TCERG1L: variants seen among roughly 807,000 people sequenced by gnomAD.
TCERG1L encodes the protein transcription elongation regulator 1 like.
TCERG1L carries 37 observed loss-of-function variants against 56.3 expected under a neutral mutation model. The ratio of observed to expected loss-of-function variants is 0.66; its 90% CI spans 0.51 to 0.87. TCERG1L has a LOEUF of 0.87. Ranked by LOEUF, TCERG1L falls within the 40% of genes least tolerant of loss-of-function variation. The pLI is 0.00. For synonymous variants in TCERG1L, 324 were observed against 326.3 expected (o/e 0.99, Z 0.08); for missense variants, 799 against 774.2 (o/e 1.03, Z -0.38).
At chr10:131,304,787 G>A (rs981150468) in intron 3 of TCERG1L, among the ~76,000 whole-genome samples, 4 of 152,044 alleles carry the variant, frequency 2.6e-5, no homozygotes, top group African/African-American at 9.7e-5. Context: ...TGCTTCCTGA[G>A]AACAAGTTCA....
At chr10:131,310,766 C>T (rs115065148) in intron 1 of TCERG1L, among the ~76,000 whole-genome samples, 1 of 152,188 alleles carries the variant, frequency 6.6e-6, no homozygotes, top group Non-Finnish European at 1.5e-5. Flanking sequence ...CAGGATTTCC[C>T]GGCCACTTCC....
Position 131,115,485 on chromosome 10 carries a change from G to A in TCERG1L, c.1395+1314C>T, listed in dbSNP as rs183183586. On this transcript the variant is annotated intron_variant, in intron 9 of 11. Transcript: ENST00000368642. ...TTGAAAAACAAACCAACACCCAGGC[G>A]TCCACATCGCGCCAGGGCCGGATCC... Among the ~76,000 whole-genome samples the A allele has an allele frequency of 4.1e-4, 63 of 152,248 alleles. 2 individuals are homozygous for A. Among genetic ancestry groups the A allele is most frequent in the South Asian group, 6.2e-4 (3 of 4,832 alleles).
chr10:131,256,828 G>A (rs1424422756), intron 4 of TCERG1L, among the ~76,000 whole-genome samples: 1 of 151,456 alleles, frequency 6.6e-6, no homozygotes, highest in Non-Finnish European at 1.5e-5. Context: ...AGGTTGCAAT[G>A]AGCCGAGACC....
chr10:131,290,502 G>A (rs996572160), intron 3 of TCERG1L, among the ~76,000 whole-genome samples: 6 of 151,932 alleles, frequency 3.9e-5, no homozygotes, highest in Non-Finnish European at 7.4e-5. Context: ...GTGGTGGCGG[G>A]TGCCTGTAAT....
intron 10 of TCERG1L, among the ~76,000 whole-genome samples, chr10:131,102,411 C>T (rs1277785340): frequency 2.6e-5 from 4 of 152,246 alleles, no homozygotes; most frequent in South Asian, 2.1e-4. Flanking sequence ...ACGAGCAACG[C>T]GGGTCCATGT....
intron 4 of TCERG1L, among the ~76,000 whole-genome samples, chr10:131,223,676 G>A (rs1845760223): frequency 6.9e-6 from 1 of 144,572 alleles, no homozygotes; most frequent in East Asian, 2.0e-4. Context: ...ACACACACAT[G>A]CTCACCCTCA....
chr10:131,233,450 G>GCACACAGACACACACACA (rs1227059759), intron 4 of TCERG1L, among the ~76,000 whole-genome samples: 10 of 148,676 alleles, frequency 6.7e-5, no homozygotes, highest in Admixed American at 6.7e-4. Flanking sequence ...GCATACACAT[G>GCACACAGACACACACACA]CACACAGACA....
At chr10:131,173,722 T>G (rs969277637) in intron 4 of TCERG1L, among the ~76,000 whole-genome samples, 1 of 152,204 alleles carries the variant, frequency 6.6e-6, no homozygotes, top group East Asian at 1.9e-4. Context: ...TGCCATGTAG[T>G]GCAGGGAAGG....
At chr10:131,107,619 C>T (rs570068027) in intron 9 of TCERG1L, among the ~76,000 whole-genome samples, 9 of 152,152 alleles carry the variant, frequency 5.9e-5, no homozygotes, top group Non-Finnish European at 8.8e-5. Context: ...GGTATGGGGA[C>T]GAGGAGTCCT....
chr10:131,190,530 T>G lies in TCERG1L; in HGVS notation c.857-23645A>C, dbSNP rs1175506438. ...GATGCAAAAATCCTTAAGAAAACAC[T>G]AGCTAACCAATCCAACAGCACATCA... On this transcript the variant is annotated intron_variant, in intron 4 of 11. Coordinates refer to ENST00000368642, the MANE Select transcript of TCERG1L (RefSeq NM_174937.4). Among the ~76,000 whole-genome samples the G allele has an allele frequency of 2.5e-5, 3 of 119,970 alleles. 1 individual carries two copies. The highest frequency in any genetic ancestry group is 9.7e-5 in the African/African-American group (3 of 30,850). The allele number at this position is 119,970 out of a possible 152,430, so 78.7% of individuals were successfully genotyped here. A position where few individuals can be genotyped will look rare whatever the true frequency, so the allele number is the denominator to read the frequency against.
chr10:131,206,903 A>G (rs750635), intron 4 of TCERG1L, among the ~76,000 whole-genome samples: 97,003 of 151,976 alleles, frequency 0.64, 31,449 homozygotes, highest in South Asian at 0.77. Context: ...AGGATTTGGT[A>G]CAGTCACTTC....
rs756528523 is a variant in TCERG1L at position 131,146,508 on chromosome 10, G to C, written c.1187C>G (p.Ala396Gly). 3 of 1,607,850 alleles carry C rather than the reference G, an allele frequency of 1.9e-6. No individual in the cohort carries two copies. The Admixed American group carries it at 5.1e-5, about 27-fold the overall frequency. Residue 396 changes from alanine (A) to glycine (G), a missense_variant and splice_region_variant, in exon 7 of 12, where the codon GCA (alanine) becomes GGA (glycine). By Grantham distance (60) the Ala-to-Gly change is moderately conservative. Transcript: ENST00000368642. Reference protein sequence around the residue: ...PPHKRKLEAPATDNSDGSSSE... With the variant: ...PPHKRKLEAPGTDNSDGSSSE... ...TAAATAACCCAGGGCTTAGTTACTT[G>C]CTGGTGCCTCCAGCTTGCGTTTGTG... is the stretch of plus-strand genomic sequence containing the variant.
chr10:131,202,826 T>C (rs903199972), intron 4 of TCERG1L, among the ~76,000 whole-genome samples: 1 of 152,226 alleles, frequency 6.6e-6, no homozygotes, highest in Non-Finnish European at 1.5e-5. Flanking sequence ...GCTTCTAAAT[T>C]GTTTCCATTT....
chr10:131,303,077 G>A lies in TCERG1L; in HGVS notation c.670+5134C>T, dbSNP rs549209758. On this transcript the variant is annotated intron_variant, in intron 3 of 11. Coordinates refer to ENST00000368642, the MANE Select transcript of TCERG1L (RefSeq NM_174937.4). Reference sequence around the variant, plus strand: ...AGTCTTTGCTATCATGAACAGTGCTGCAGTAAACATACGTGTGCATGTGTC... The same window carrying A: ...AGTCTTTGCTATCATGAACAGTGCTACAGTAAACATACGTGTGCATGTGTC... Among the ~76,000 whole-genome samples the A allele has an allele frequency of 1.4e-4, 21 of 152,086 alleles. No individual in the cohort carries two copies. The South Asian group carries it at 1.7e-3, about 12-fold the overall frequency.
chr10:131,273,941 G>A (rs1295187103), intron 3 of TCERG1L, among the ~76,000 whole-genome samples: 1 of 152,178 alleles, frequency 6.6e-6, no homozygotes, highest in Non-Finnish European at 1.5e-5. Flanking sequence ...TTCCCAAATT[G>A]AAAGAAAATA....
intron 3 of TCERG1L, among the ~76,000 whole-genome samples, chr10:131,297,308 G>T (rs1846708992): frequency 6.6e-6 from 1 of 152,100 alleles, no homozygotes; most frequent in Non-Finnish European, 1.5e-5. Flanking sequence ...TTTGACAAAT[G>T]CATTTTCTGA....
intron 9 of TCERG1L, among the ~76,000 whole-genome samples, chr10:131,109,413 T>C (rs1050292036): frequency 5.3e-5 from 8 of 152,172 alleles, no homozygotes; most frequent in Non-Finnish European, 8.8e-5. Context: ...TGACCGTGGC[T>C]GGGTCTGTGA....
intron 4 of TCERG1L, among the ~76,000 whole-genome samples, chr10:131,182,721 G>A (rs1550288): frequency 0.089 from 13,483 of 152,094 alleles, 760 homozygotes; most frequent in East Asian, 0.2. Context: ...ACTTTTTGCA[G>A]ACTAATCTAT....
intron 4 of TCERG1L, among the ~76,000 whole-genome samples, chr10:131,223,709 C>T (rs1308160887): frequency 1.3e-5 from 2 of 151,960 alleles, no homozygotes; most frequent in Non-Finnish European, 2.9e-5. Context: ...CACACACATG[C>T]TCACACACAG....
Sources: allele counts gnomAD v4.1 joint callset (sites outside exome capture counted in the v4.1 genomes callset), GRCh38; gene constraint gnomAD v4.1.1; transcripts MANE v1.5; gene names NCBI Gene and HGNC (gene_info 2026-07-23, HGNC 2026-07-21).